Variants in CALCOCO1 observed in about 807,000 individuals in gnomAD.
The protein encoded by CALCOCO1 is calcium-binding and coiled-coil domain-containing protein 1.
Under a neutral mutation model 86.3 loss-of-function variants are expected in CALCOCO1, and 44 were observed. The ratio of observed to expected loss-of-function variants is 0.51; its 90% confidence interval spans 0.40 to 0.66. CALCOCO1 has a LOEUF of 0.66. CALCOCO1 is among the 30% of genes least tolerant of loss of function. The pLI, the probability that CALCOCO1 is intolerant of heterozygous loss-of-function variation, is 0.00. For missense variants in CALCOCO1, 708 were observed against 851.1 expected, an observed-to-expected ratio of 0.83 and a Z score of 2.09; for synonymous variants, 297 against 327.6, an observed-to-expected ratio of 0.91 and a Z score of 1.01.
At chr12:53,724,206 AT>A in intron 3 of CALCOCO1, 2 of 435,358 alleles carry the variant, frequency 4.6e-6, no homozygotes, top group South Asian at 1.6e-5. Context: ...TGCAGCTTTC[AT>A]TTTAAATCCT....
chr12:53,721,808 T>C, intron 5 of CALCOCO1, 193 bp from the exon 6 acceptor site: 2 of 798,034 alleles, frequency 2.5e-6, no homozygotes, highest in South Asian at 3.3e-5. Context: ...TACCCCAGCA[T>C]TCCTATGTTC....
At chr12:53,713,037 C>T (rs1285507812) in intron 14 of CALCOCO1, 63 bp downstream of exon 14, 3 of 1,469,690 alleles carry the variant, frequency 2.0e-6, no homozygotes, top group African/African-American at 2.8e-5. Context: ...TGACTGTCCA[C>T]ACAGATGCCC....
chr12:53,712,799 G>A (rs1276718630), intron 14 of CALCOCO1: 1 of 1,383,168 alleles, frequency 7.2e-7, no homozygotes, highest in Admixed American at 2.0e-5. Context: ...AGGGGTAGAG[G>A]CAGGAGAGAG....
At position 53,712,960 on chromosome 12, in the gene CALCOCO1, T is replaced by G; in HGVS notation, c.1898+140A>C. On this transcript the variant is annotated intron_variant, in intron 14 of 14. Transcript: ENST00000550804. ...TGGAGCAGTGAGTCATTTTCCTTGT[T>G]AACCATACCTGTATCTCCTTTTCTT... 4 of 1,247,444 alleles carry G rather than the reference T, an allele frequency of 3.2e-6. No homozygotes were observed. The South Asian group carries it at 5.4e-5, about 17-fold the overall frequency. 77.3% of individuals were successfully genotyped at this position (1,247,444 alleles called of 1,614,324 possible).
chr12:53,715,578 G>A (rs1294936498), intron 9 of CALCOCO1: 5 of 752,678 alleles, frequency 6.6e-6, no homozygotes, highest in Admixed American at 2.9e-5. Context: ...CTGTTCCAAG[G>A]AAGGTACTCT....
rs1177213553 is a variant in CALCOCO1 at position 53,718,113 on chromosome 12, C to A, written c.849+1626G>T. 3.3e-5 allele frequency among the ~76,000 whole-genome samples: 5 copies of A among 152,186 alleles called. No homozygotes were observed. In the South Asian group the frequency reaches 8.3e-4, roughly 25 times the overall value. ...ATTGACATATGTTTCCAGGTTAATTCATTTTTTTGCAAAGCTCAGAATAGT... is the reference window on the plus strand; with the variant it reads ...ATTGACATATGTTTCCAGGTTAATTAATTTTTTTGCAAAGCTCAGAATAGT... On this transcript the variant is annotated intron_variant, in intron 7 of 14. Coordinates refer to ENST00000550804, the MANE Select transcript of CALCOCO1 (RefSeq NM_020898.3).
rs536673225 is a variant in CALCOCO1, at chr12:53,715,295, C to T, written c.1291G>A (p.Ala431Thr). 1.2e-6 allele frequency: 2 copies of T among 1,614,162 alleles called. No homozygotes were observed. Among genetic ancestry groups the T allele is most frequent in the Non-Finnish European group, 1.7e-6 (2 of 1,180,026 alleles). The change falls in exon 10 of 15, where the codon GCA (alanine) becomes ACA (threonine). Residue 431 changes from alanine (A) to threonine (T), a missense_variant. Transcript: ENST00000550804. Reference sequence around the variant, plus strand: ...GCCTTCTCCAATCGAAGTATCTCTGCACTCAGCTTCAGGATCTTGTCCTTC... The same window carrying T: ...GCCTTCTCCAATCGAAGTATCTCTGTACTCAGCTTCAGGATCTTGTCCTTC... ...AEKDKILKLS[A>T]EILRLEKAVQ...
At chr12:53,719,413 C>CT (rs1808301048) in intron 7 of CALCOCO1, among the ~76,000 whole-genome samples, 2 of 152,068 alleles carry the variant, frequency 1.3e-5, no homozygotes, top group Admixed American at 6.6e-5. Flanking sequence ...GTAATCCCCG[C>CT]TGCTCAGGTA....
At chr12:53,722,765 G>A (rs1945910030) in intron 4 of CALCOCO1, 1 of 312,524 alleles carries the variant, frequency 3.2e-6, no homozygotes, top group Admixed American at 4.5e-5. Flanking sequence ...TTTTGAACAA[G>A]CTTCTTAACT....
rs1945674766 is a variant in CALCOCO1 at position 53,714,636 on chromosome 12, G to T, written c.1444C>A (p.Leu482Ile). The change falls in exon 11 of 15, where the codon CTC becomes ATC. Residue 482 changes from leucine to isoleucine, a missense_variant. Coordinates refer to ENST00000550804, the MANE Select transcript of CALCOCO1 (RefSeq NM_020898.3). ...LTELRSALRV[L>I]QKEKEQLQEE... is the part of the protein sequence containing the mutation. ...TGTAACTGCTCCTTTTCCTTCTGGA[G>T]CACACGCAGGGCTGACCGCAGCTCT... 4 of 1,614,120 alleles carry T rather than the reference G, an allele frequency of 2.5e-6. No homozygotes were observed. Among genetic ancestry groups the T allele is most frequent in the Non-Finnish European group, 3.4e-6 (4 of 1,180,010 alleles).
In CALCOCO1 at chr12:53,712,802, GGA is replaced by G. The variant is rs763144456; in HGVS notation, c.1898+296_1898+297del. 3 of 1,388,620 alleles carry G rather than the reference GGA, an allele frequency of 2.2e-6. No homozygotes were observed. The East Asian group carries it at 1.1e-4, about 53-fold the overall frequency. The allele number at this position is 1,388,620 out of a possible 1,614,324, so 86.0% of individuals were successfully genotyped here. ...GGTGGTTGGGGAAGGGGTAGAGGCA[GGA>G]GAGAGGGGAAGCAGGGCAATTTGGG... On this transcript the variant is annotated intron_variant, in intron 14 of 14. Coordinates refer to ENST00000550804, the MANE Select transcript of CALCOCO1 (RefSeq NM_020898.3).
At chr12:53,716,877 A>G (rs1034702343) in intron 7 of CALCOCO1, among the ~76,000 whole-genome samples, 7 of 152,280 alleles carry the variant, frequency 4.6e-5, no homozygotes, top group African/African-American at 1.7e-4. Flanking sequence ...AGCGGCCCAC[A>G]GAAAAACCTA....
intron 2 of CALCOCO1, 41 bp downstream of exon 2, chr12:53,725,046 C>A: frequency 6.5e-7 from 1 of 1,533,344 alleles, no homozygotes; most frequent in South Asian, 1.3e-5. Flanking sequence ...CCAACCAACT[C>A]ACAGCCCATA....
At chr12:53,713,240 G>T in intron 13 of CALCOCO1, 34 bp from the exon 14 acceptor site, 1 of 1,574,064 alleles carries the variant, frequency 6.4e-7, no homozygotes, top group Non-Finnish European at 8.7e-7. Flanking sequence ...GGGCTTTGGG[G>T]TGGTGTCCCA....
Position 53,710,294 on chromosome 12 carries a change from G to C in CALCOCO1, c.*1650C>G, listed in dbSNP as rs1203583391. 2.0e-5 allele frequency: 3 copies of C among 152,338 alleles called. No homozygotes were observed. Among genetic ancestry groups the C allele is most frequent in the Admixed American group, 2.0e-4 (3 of 15,268 alleles). The allele number at this position is 152,338 out of a possible 1,614,324, so 9.4% of individuals were successfully genotyped here. ...GAGACGTGAGGGAAGAAGGAACGAT[G>C]TAAGAAGTCATCCAGGTGGGGCTGG... On this transcript the variant is annotated 3_prime_UTR_variant, in exon 15 of 15. Coordinates refer to ENST00000550804, the MANE Select transcript of CALCOCO1 (RefSeq NM_020898.3).
Position 53,712,465 on chromosome 12 carries a change from G to A in CALCOCO1, c.1899-344C>T, listed in dbSNP as rs3741661. The A allele has an allele frequency of 2.6e-3, 667 of 260,030 alleles. 9 individuals carry two copies. In the East Asian group the frequency reaches 0.033, roughly 13 times the overall value. The allele number at this position is 260,030 out of a possible 1,614,324, so 16.1% of individuals were successfully genotyped here. A position where few individuals can be genotyped will look rare whatever the true frequency, so the allele number is the denominator to read the frequency against. ...CCTGCTCCAGCCGAGAAGGATGACA[G>A]CATCACCCCCTCCCTGCCCTGAGCC... On this transcript the variant is annotated intron_variant, in intron 14 of 14. Coordinates refer to ENST00000550804, the MANE Select transcript of CALCOCO1 (RefSeq NM_020898.3).
rs748331765 is a variant in CALCOCO1, at chr12:53,716,420, G to C, written c.850-5C>G. On this transcript the variant is annotated splice_polypyrimidine_tract_variant and splice_region_variant and intron_variant, in intron 7 of 14. Coordinates refer to ENST00000550804, the MANE Select transcript of CALCOCO1 (RefSeq NM_020898.3). ...TTGTGCCACTTGGAGCTCAGCCTGA[G>C]GGAAGTGGAAAGCAGGTAAGGAAAG... 6 of 1,614,184 alleles carry C rather than the reference G, an allele frequency of 3.7e-6. No individual in the cohort carries two copies. The Admixed American group carries it at 1.0e-4, about 27-fold the overall frequency.
At chr12:53,724,949 G>A (rs2120656347) in intron 2 of CALCOCO1, 138 bp downstream of exon 2, 1 of 998,678 alleles carries the variant, frequency 1.0e-6, no homozygotes, top group Admixed American at 2.6e-5. Context: ...GGTTATACAG[G>A]CGGCCTCTGT....
intron 13 of CALCOCO1, 75 bp from the exon 14 acceptor site, chr12:53,713,281 T>G: frequency 7.9e-7 from 1 of 1,259,488 alleles, no homozygotes. Context: ...GGGACAGGTA[T>G]GGGAAGAGCA....
Sources: allele counts gnomAD v4.1 joint callset (sites outside exome capture counted in the v4.1 genomes callset), GRCh38; gene constraint gnomAD v4.1.1; transcripts MANE v1.5; gene names NCBI Gene and HGNC (gene_info 2026-07-23, HGNC 2026-07-21).